ARSG: variants seen among roughly 807,000 people sequenced by gnomAD.
ARSG encodes the protein ASG.
A neutral mutation model predicts 50.5 loss-of-function variants in ARSG; 37 were observed. The observed-to-expected ratio is 0.73, with a 90% CI of 0.56 to 0.96. ARSG has a LOEUF of 0.96. Ranked by LOEUF, ARSG falls within the 50% of genes least tolerant of loss-of-function variation. The pLI, the probability that ARSG is intolerant of heterozygous loss-of-function variation, is 0.00. For missense variants in ARSG, 629 were observed against 675.3 expected (o/e 0.93, Z 0.76); for synonymous variants, 225 against 254.6 (o/e 0.88, Z 1.11).
intron 8 of ARSG, chr17:68,379,994 C>A: frequency 2.3e-6 from 1 of 427,610 alleles, no homozygotes; most frequent in Non-Finnish European, 3.1e-6. Flanking sequence ...TGCATGGGTC[C>A]ACGTAATACA....
intron 2 of ARSG, among the ~76,000 whole-genome samples, chr17:68,327,265 G>A (rs2077543687): frequency 6.6e-6 from 1 of 152,134 alleles, no homozygotes; most frequent in African/African-American, 2.4e-5. Context: ...CTGGAGACAC[G>A]CAGGGAGGTG....
At chr17:68,352,408 A>G (rs970162062) in intron 5 of ARSG, among the ~76,000 whole-genome samples, 2 of 151,410 alleles carry the variant, frequency 1.3e-5, no homozygotes, top group Admixed American at 1.3e-4. Context: ...CTGTAACCCT[A>G]TCTTTGTAGT....
intron 10 of ARSG, among the ~76,000 whole-genome samples, chr17:68,396,287 G>C (rs973044272): frequency 2.6e-5 from 4 of 152,154 alleles, no homozygotes; most frequent in African/African-American, 9.7e-5. Flanking sequence ...AAAGTGCTGG[G>C]ATTACAGGTG....
chr17:68,271,092 A>C lies in ARSG; in HGVS notation c.-552+11666A>C. Reference sequence around the variant, plus strand: ...AGATGAGCTCAATGTAAATCTTACGAATGGGCTCCCTGTTGAGGACAAAAC... The same window carrying C: ...AGATGAGCTCAATGTAAATCTTACGCATGGGCTCCCTGTTGAGGACAAAAC... On this transcript the variant is annotated intron_variant, in intron 1 of 11. Coordinates refer to the ARSG transcript ENST00000448504. This position sits in a 1 kb window ranked among gnomAD's most constrained non-coding sequence, Gnocchi z 5.3. 6.2e-7 allele frequency: 1 copy of C among 1,614,212 alleles called. No individual in the cohort carries two copies. Among genetic ancestry groups the C allele is most frequent in the African/African-American group, 1.3e-5 (1 of 75,056 alleles).
At chr17:68,349,909 C>T (rs373599041) in intron 4 of ARSG, among the ~76,000 whole-genome samples, 6 of 152,214 alleles carry the variant, frequency 3.9e-5, no homozygotes, top group African/African-American at 1.4e-4. Context: ...CGACAAGCAT[C>T]TACTAGTTAT....
At chr17:68,393,753 A>C (rs1339457142) in intron 9 of ARSG, among the ~76,000 whole-genome samples, 2 of 151,690 alleles carry the variant, frequency 1.3e-5, no homozygotes, top group Non-Finnish European at 1.5e-5. Flanking sequence ...TGTAGACCCA[A>C]CTACTTAGGA....
chr17:68,284,776 G>A (rs1343440800), intron 1 of ARSG, among the ~76,000 whole-genome samples: 1 of 152,098 alleles, frequency 6.6e-6, no homozygotes, highest in Non-Finnish European at 1.5e-5. Context: ...ACACTATTAC[G>A]GCTAAATATT....
At chr17:68,411,874 T>C (rs1341567491) in intron 11 of ARSG, among the ~76,000 whole-genome samples, 3 of 151,398 alleles carry the variant, frequency 2.0e-5, no homozygotes, top group African/African-American at 7.3e-5. Flanking sequence ...TTTACCATTA[T>C]GTAATGGCCT....
intron 1 of ARSG, among the ~76,000 whole-genome samples, chr17:68,293,271 C>T (rs994301982): frequency 4.6e-5 from 7 of 152,266 alleles, no homozygotes; most frequent in African/African-American, 1.7e-4. Flanking sequence ...ATATCATGTG[C>T]AATATGACAG....
chr17:68,335,839 A>T (rs996242098), intron 2 of ARSG, among the ~76,000 whole-genome samples: 2 of 152,214 alleles, frequency 1.3e-5, no homozygotes, highest in African/African-American at 4.8e-5. Context: ...TTGGAAGCAA[A>T]GGAGGTGCAG....
intron 10 of ARSG, 24 bp from the exon 11 acceptor site, chr17:68,401,336 G>A: frequency 6.2e-7 from 1 of 1,609,584 alleles, no homozygotes; most frequent in Middle Eastern, 1.7e-4. Flanking sequence ...TTTTCTATTA[G>A]TAAGCTCTGC....
At chr17:68,342,285 A>G (rs2078301801) in intron 2 of ARSG, among the ~76,000 whole-genome samples, 1 of 151,630 alleles carries the variant, frequency 6.6e-6, no homozygotes. Context: ...ATATAACTGT[A>G]TTTTATGAAT....
intron 4 of ARSG, among the ~76,000 whole-genome samples, chr17:68,349,103 A>G (rs770168596): frequency 2.6e-5 from 4 of 151,926 alleles, no homozygotes; most frequent in Admixed American, 6.6e-5. Flanking sequence ...GGAGTTTGAG[A>G]TCAGCCAACA....
chr17:68,365,849 C>A (rs1189079240), intron 6 of ARSG, among the ~76,000 whole-genome samples: 1 of 151,990 alleles, frequency 6.6e-6, no homozygotes, highest in Non-Finnish European at 1.5e-5. Context: ...TGTAAATAAC[C>A]CCATGAGCCT....
downstream of ARSG, chr17:68,421,508 A>G (rs1302026305): frequency 8.2e-6 from 4 of 490,016 alleles, no homozygotes; most frequent in East Asian, 9.8e-5. Context: ...TTATATACCA[A>G]TATGGTTAAT....
At position 68,378,765 on chromosome 17, in the gene ARSG, C is replaced by G. The variant is rs1486795340; in HGVS notation, c.983-6299C>G. Among the ~76,000 whole-genome samples, 1 of 152,208 alleles carries G rather than the reference C, an allele frequency of 6.6e-6. No individual in the cohort carries two copies. Among genetic ancestry groups the G allele is most frequent in the Non-Finnish European group, 1.5e-5 (1 of 68,046 alleles). On this transcript the variant is annotated intron_variant, in intron 8 of 11. Coordinates refer to ENST00000621439, the MANE Select transcript of ARSG (RefSeq NM_001267727.2). This position sits in a 1 kb window ranked among gnomAD's most constrained non-coding sequence, Gnocchi z 4.4. ...TTCTCGTTTTATTTGAAGAGCAGAA[C>G]TGTTCCTTCCTCCCCCTTGGTGATG...
At chr17:68,369,494 C>T (rs1284948771) in intron 7 of ARSG, among the ~76,000 whole-genome samples, 2 of 151,686 alleles carry the variant, frequency 1.3e-5, no homozygotes, top group Admixed American at 6.6e-5. Context: ...GAGCTGAGAT[C>T]GTGTCACTGC....
chr17:68,427,286 A>G (rs768269623), downstream of ARSG: 6 of 1,532,952 alleles, frequency 3.9e-6, no homozygotes, highest in Admixed American at 3.4e-5. Context: ...GGTGAAAGAA[A>G]AAAGAAATCA....
chr17:68,269,432 C>T lies in ARSG; in HGVS notation c.-552+10006C>T, dbSNP rs572547952. The stretch of plus-strand genomic sequence containing the variant: ...GCGACCATCCCATTCAGAAGCCTCT[C>T]AGTTTCACTGCCTTCCTTGTTTTCT... On this transcript the variant is annotated intron_variant, in intron 1 of 11. Transcript: ENST00000448504. 2.8e-5 allele frequency: 37 copies of T among 1,307,006 alleles called. 5 individuals are homozygous for T. In the East Asian group the frequency reaches 9.0e-4, roughly 32 times the overall value. 81.0% of individuals were successfully genotyped at this position (1,307,006 alleles called of 1,614,324 possible).
Sources: gnomAD v4.1 joint callset for allele counts (sites outside exome capture counted in the v4.1 genomes callset) on GRCh38, gnomAD v4.1.1 for gene constraint, Gnocchi (gnomAD v3.1) non-coding constraint, MANE v1.5 for transcripts, NCBI Gene and HGNC (gene_info 2026-07-23, HGNC 2026-07-21) for gene names.